Variants in MX1 observed in about 807,000 individuals in gnomAD.
MX1 encodes interferon-induced GTP-binding protein Mx1.
Under a neutral mutation model 66.4 loss-of-function variants are expected in MX1, and 66 were observed. The observed-to-expected ratio is 0.99, with a 90% confidence interval of 0.82 to 1.22. The LOEUF is 1.22. MX1 is among the 50% of genes most tolerant of loss of function. The pLI is 0.00. For missense variants in MX1, 787 were observed against 834.3 expected, an observed-to-expected ratio of 0.94 and a Z score of 0.70; for synonymous variants, 311 against 318.1, an observed-to-expected ratio of 0.98 and a Z score of 0.24.
chr21:41,442,481 G>C (rs2090548008), intron 10 of MX1, among the ~76,000 whole-genome samples: 1 of 152,190 alleles, frequency 6.6e-6, no homozygotes, highest in South Asian at 2.1e-4. Flanking sequence ...TAGGTGAATA[G>C]TTTATAAGAT....
Position 41,441,578 on chromosome 21 carries a change from A to C in MX1, c.731-138A>C. 1 of 859,474 alleles carries C rather than the reference A, an allele frequency of 1.2e-6. No homozygotes were observed. The highest frequency in any genetic ancestry group is 1.9e-6 in the Non-Finnish European group (1 of 523,014). 53.2% of individuals were successfully genotyped at this position (859,474 alleles called of 1,614,324 possible). A position where few individuals can be genotyped will look rare whatever the true frequency, so the allele number is the denominator to read the frequency against. On this transcript the variant is annotated intron_variant, in intron 9 of 16. Coordinates refer to ENST00000398598, the MANE Select transcript of MX1 (RefSeq NM_002462.5). This position sits in a 1 kb window ranked among gnomAD's most constrained non-coding sequence, Gnocchi z 4.0. Reference sequence around the variant, plus strand: ...TCTGGAGCGGGGCTCCACTGCCCCCATGGTTCTGCAGGGGCTATGGCCTGT... The same window carrying C: ...TCTGGAGCGGGGCTCCACTGCCCCCCTGGTTCTGCAGGGGCTATGGCCTGT...
rs2090448761 is a variant in MX1 at position 41,439,583 on chromosome 21, C to CTTTT, written c.437-110_437-107dup. 12 of 1,040,834 alleles carry CTTTT rather than the reference C, an allele frequency of 1.2e-5. 1 individual carries two copies. The South Asian group carries it at 1.8e-4, about 15-fold the overall frequency. 64.5% of individuals were successfully genotyped at this position (1,040,834 alleles called of 1,614,324 possible). On this transcript the variant is annotated intron_variant, in intron 7 of 16. Transcript: ENST00000398598. ...GAAAATTGAATCTGCTCCAAATATG[C>CTTTT]TTTTATCCATGACTCGCAGAGAGGA...
chr21:41,428,098 A>G (rs1321775932), intron 3 of MX1: 1 of 152,076 alleles, frequency 6.6e-6, no homozygotes, highest in East Asian at 1.9e-4. Context: ...TAGAGACAGC[A>G]TTTCACCATA....
intron 7 of MX1, among the ~76,000 whole-genome samples, chr21:41,437,415 G>T (rs2090395245): frequency 6.6e-6 from 1 of 152,220 alleles, no homozygotes; most frequent in African/African-American, 2.4e-5. Flanking sequence ...GACACGGGGG[G>T]ATTGCTTGAG....
chr21:41,435,950 C>G lies in MX1; in HGVS notation c.219C>G (p.Ile73Met), dbSNP rs545554440. The change falls in exon 6 of 17, where the codon ATC becomes ATG. Residue 73 changes from isoleucine to methionine, a missense_variant. Transcript: ENST00000398598. ...AGCAGGACCTGGCCCTGCCAGCCAT[C>G]GCCGTCATCGGGGACCAGAGCTCGG... Reference protein sequence around the residue: ...GVEQDLALPAIAVIGDQSSGK... With the variant: ...GVEQDLALPAMAVIGDQSSGK... 2 of 1,614,252 alleles carry G rather than the reference C, an allele frequency of 1.2e-6. No individual in the cohort carries two copies. The highest frequency in any genetic ancestry group is 4.5e-5 in the East Asian group (2 of 44,884).
At position 41,432,128 on chromosome 21, in the gene MX1, C is replaced by G; in HGVS notation, c.58C>G (p.Leu20Val). The G allele has an allele frequency of 1.2e-6, 2 of 1,614,172 alleles. No individual in the cohort carries two copies. Among genetic ancestry groups the G allele is most frequent in the Non-Finnish European group, 8.5e-7 (1 of 1,180,026 alleles). The change falls in exon 5 of 17, where the codon CTA becomes GTA. Residue 20 changes from leucine to valine, a missense_variant. By Grantham distance (32) the Leu-to-Val change is conservative. Coordinates refer to ENST00000398598, the MANE Select transcript of MX1 (RefSeq NM_002462.5). ...TGATCCAGCTGCTGCATCCCACCCT[C>G]TATTACTGAATGGAGATGCTACTGT... ...KADPAAASHPLLLNGDATVAQ... is the reference protein window; with the variant it reads ...KADPAAASHPVLLNGDATVAQ...
At position 41,458,651 on chromosome 21, in the gene MX1, T is replaced by A; in HGVS notation, c.1882T>A (p.Trp628Arg). 1 of 1,614,214 alleles carries A rather than the reference T, an allele frequency of 6.2e-7. No homozygotes were observed. The highest frequency in any genetic ancestry group is 2.2e-5 in the East Asian group (1 of 44,878). ...CCTGCAGGACAAGGACACCTACAGC[T>A]GGCTCCTGAAGGAGCGGAGCGACAC... ...QLLQDKDTYS[W>R]LLKERSDTSD... is the part of the protein sequence containing the mutation. Residue 628 changes from tryptophan to arginine, a missense_variant, in exon 17 of 17, where the codon TGG becomes AGG. Trp to Arg is a moderately radical substitution (Grantham distance 101, BLOSUM62 -3). Transcript: ENST00000398598.
chr21:41,451,018 C>T, intron 14 of MX1, 149 bp from the exon 15 acceptor site: 1 of 535,552 alleles, frequency 1.9e-6, no homozygotes, highest in Non-Finnish European at 3.3e-6. Context: ...GCAAAAAGAG[C>T]ATGCCTTGCT....
chr21:41,452,473 C>G lies in MX1; in HGVS notation c.1510-148C>G. ...GGGCTAGAAACCTGCCTTAGATACACCAGGGCGCGGCCCAGAGGGCTGTTC... is the reference window on the plus strand; with the variant it reads ...GGGCTAGAAACCTGCCTTAGATACAGCAGGGCGCGGCCCAGAGGGCTGTTC... On this transcript the variant is annotated intron_variant, in intron 15 of 16. Coordinates refer to ENST00000398598, the MANE Select transcript of MX1 (RefSeq NM_002462.5). 7.0e-6 allele frequency: 6 copies of G among 859,094 alleles called. No individual in the cohort carries two copies. The South Asian group carries it at 1.1e-4, about 16-fold the overall frequency. 53.2% of individuals were successfully genotyped at this position (859,094 alleles called of 1,614,324 possible).
In MX1 at chr21:41,443,884, T is replaced by A; in HGVS notation, c.1008+18T>A. 2 of 1,613,022 alleles carry A rather than the reference T, an allele frequency of 1.2e-6. No homozygotes were observed. Among genetic ancestry groups the A allele is most frequent in the Non-Finnish European group, 1.7e-6 (2 of 1,178,994 alleles). On this transcript the variant is annotated intron_variant, in intron 11 of 16. Transcript: ENST00000398598. ...ATATCTGTGTAAGCACGGGCAGAGC[T>A]GTGGGTTCTCTAAAAAGAATACTAC...
intron 14 of MX1, chr21:41,449,540 A>C: frequency 1.9e-5 from 7 of 369,680 alleles, no homozygotes; most frequent in East Asian, 4.5e-5. Context: ...CCAACTACAA[A>C]TGCCGGTCAC....
At chr21:41,456,723 G>A (rs2090967931) in intron 16 of MX1, among the ~76,000 whole-genome samples, 1 of 151,866 alleles carries the variant, frequency 6.6e-6, no homozygotes, top group Non-Finnish European at 1.5e-5. Flanking sequence ...ATCCACACTG[G>A]CCGCTTTAGT....
chr21:41,432,383 G>C (rs1425087529), intron 5 of MX1, among the ~76,000 whole-genome samples: 1 of 152,220 alleles, frequency 6.6e-6, no homozygotes, highest in East Asian at 1.9e-4. Context: ...AGGTGCTGCT[G>C]GGGTTGGGGA....
At chr21:41,452,945 C>T in intron 16 of MX1, 76 bp downstream of exon 16, 1 of 1,559,796 alleles carries the variant, frequency 6.4e-7, no homozygotes, top group Non-Finnish European at 8.7e-7. Context: ...TTTAGTCTTG[C>T]TCTCTCTGTA....
intron 12 of MX1, 181 bp downstream of exon 12, chr21:41,445,751 G>T: frequency 1.1e-6 from 1 of 888,548 alleles, no homozygotes; most frequent in South Asian, 1.8e-5. Flanking sequence ...TGTGGGGGTG[G>T]AGTCAGCAGC....
Position 41,439,703 on chromosome 21 carries a change from C to T in MX1, c.446C>T (p.Ala149Val), listed in dbSNP as rs753283898. 5 of 1,613,286 alleles carry T rather than the reference C, an allele frequency of 3.1e-6. No homozygotes were observed. In the South Asian group the frequency reaches 5.5e-5, roughly 18 times the overall value. ...VEKEINKAQN[A>V]IAGEGMGISH... ...CCTGTCTCTTTTCTAGCCCAGAATG[C>T]CATCGCCGGGGAAGGAATGGGAATC... The change falls in exon 8 of 17, where the codon GCC becomes GTC. Residue 149 changes from alanine to valine, a missense_variant. Transcript: ENST00000398598.
chr21:41,447,100 T>A (rs1332941855), intron 13 of MX1, among the ~76,000 whole-genome samples: 1 of 152,174 alleles, frequency 6.6e-6, no homozygotes, highest in East Asian at 1.9e-4. Flanking sequence ...CAGTAGAAAT[T>A]TATTTTCTTA....
At chr21:41,446,174 A>G (rs1167918727) in intron 13 of MX1, 33 bp downstream of exon 13, 6 of 1,575,582 alleles carry the variant, frequency 3.8e-6, no homozygotes, top group Non-Finnish European at 5.2e-6. Context: ...TTGGGCTGCT[A>G]CAACCGAATA....
chr21:41,421,927 G>C (rs911025613), upstream of MX1: 6 of 152,258 alleles, frequency 3.9e-5, no homozygotes, highest in African/African-American at 1.2e-4. Flanking sequence ...GGGAAACATC[G>C]AGCCTGGGAA....
Sources: allele counts gnomAD v4.1 joint callset (sites outside exome capture counted in the v4.1 genomes callset), GRCh38; gene constraint gnomAD v4.1.1; non-coding constraint Gnocchi (gnomAD v3.1); transcripts MANE v1.5; gene names NCBI Gene and HGNC (gene_info 2026-07-23, HGNC 2026-07-21).